Variants in DLG1 observed in about 807,000 individuals in gnomAD.
DLG1 encodes disks large homolog 1.
DLG1 carries 42 observed loss-of-function variants against 123.4 expected under a neutral mutation model. The ratio of observed to expected loss-of-function variants is 0.34; its 90% confidence interval spans 0.27 to 0.44. The LOEUF (loss-of-function observed/expected upper bound fraction) is 0.44, where lower values mean the gene tolerates loss of function less well. DLG1 is among the 20% of genes least tolerant of loss of function. DLG1 has a pLI of 1.00. For synonymous variants in DLG1, 317 were observed against 356.2 expected, an observed-to-expected ratio of 0.89 and a Z score of 1.24; for missense variants, 942 against 1,082.6, an observed-to-expected ratio of 0.87 and a Z score of 1.82.
chr3:197,110,080 CTTT>C (rs1276697072), intron 13 of DLG1, among the ~76,000 whole-genome samples: 1 of 152,246 alleles, frequency 6.6e-6, no homozygotes, highest in East Asian at 1.9e-4. Context: ...ATTCTTTCTT[CTTT>C]TTTCTCTCTT....
intron 13 of DLG1, among the ~76,000 whole-genome samples, chr3:197,111,450 T>G (rs1037695965): frequency 6.6e-6 from 1 of 152,216 alleles, no homozygotes; most frequent in African/African-American, 2.4e-5. Context: ...TAAGCTAATT[T>G]TATTTCCCTA....
chr3:197,191,425 T>C (rs773685902), intron 5 of DLG1, among the ~76,000 whole-genome samples: 11 of 152,318 alleles, frequency 7.2e-5, no homozygotes, highest in Non-Finnish European at 1.0e-4. Flanking sequence ...AAAATATGCA[T>C]GCTGGCTCAC....
At chr3:197,278,804 C>T (rs1767817086) in intron 4 of DLG1, among the ~76,000 whole-genome samples, 2 of 150,798 alleles carry the variant, frequency 1.3e-5, no homozygotes, top group African/African-American at 4.9e-5. Flanking sequence ...AAGAGAATAA[C>T]AGTCAAGGCT....
intron 12 of DLG1, among the ~76,000 whole-genome samples, chr3:197,118,430 C>T (rs896856956): frequency 2.0e-5 from 3 of 152,098 alleles, no homozygotes; most frequent in East Asian, 1.9e-4. Flanking sequence ...TTACTGACAA[C>T]CTATTAAGTT....
At position 197,066,738 on chromosome 3, in the gene DLG1, G is replaced by A. The variant is rs1315607742; in HGVS notation, c.2064C>T (p.Tyr688=). 2.5e-6 allele frequency: 4 copies of A among 1,602,654 alleles called. No homozygotes were observed. The highest frequency in any genetic ancestry group is 2.2e-5 in the East Asian group (1 of 44,518). ...SESSYRGQEE[Y]VLSYEPVNQQ... is the part of the protein sequence containing the mutation. ...GATTCACTGGTTCATAAGATAAGAC[G>A]TATTCTTCTTGACCACCTATTAGAA... Residue 688 remains tyrosine, a synonymous_variant, in exon 20 of 25, where the codon TAC becomes TAT. Coordinates refer to ENST00000667157, the MANE Select transcript of DLG1 (RefSeq NM_001366207.1).
chr3:197,090,928 G>A lies in DLG1; in HGVS notation c.1645C>T (p.Arg549Ter). Residue 549 changes from arginine to a stop codon, truncating the protein, a stop_gained, in exon 15 of 25, where the codon CGA (arginine) becomes TGA (stop). Coordinates refer to ENST00000667157, the MANE Select transcript of DLG1 (RefSeq NM_001366207.1). LOFTEE classifies it high-confidence loss of function. ...GSGSLRTSQK[R>*]SLYVRALFDY... ...AAAATTTACCTGACATAGAGGGATC[G>A]CTTCTGGCTAGTTCGAAGAGAACCT... 5 of 1,601,126 alleles carry A rather than the reference G, an allele frequency of 3.1e-6. No individual in the cohort carries two copies. Among genetic ancestry groups the A allele is most frequent in the East Asian group, 2.2e-5 (1 of 44,684 alleles).
chr3:197,051,679 A>C lies in DLG1; in HGVS notation c.2484-11T>G, dbSNP rs76515191. On this transcript the variant is annotated splice_polypyrimidine_tract_variant and intron_variant, in intron 23 of 24. Transcript: ENST00000667157. ...CGCTTATTCATTTCCCTACGAAAATAAATGTAGAAATTGATAATTACCAAA... is the reference window on the plus strand; with the variant it reads ...CGCTTATTCATTTCCCTACGAAAATCAATGTAGAAATTGATAATTACCAAA... The C allele has an allele frequency of 1.8e-5, 29 of 1,596,146 alleles. No homozygotes were observed. The highest frequency in any genetic ancestry group is 2.4e-5 in the Non-Finnish European group (28 of 1,164,762).
chr3:197,057,704 T>C (rs1732751348), intron 23 of DLG1, among the ~76,000 whole-genome samples: 1 of 152,214 alleles, frequency 6.6e-6, no homozygotes, highest in African/African-American at 2.4e-5. Context: ...TTCTCTTTTG[T>C]GATGTGTCCA....
intron 4 of DLG1, chr3:197,226,026 T>G (rs574088233): frequency 3.7e-4 from 54 of 147,268 alleles, no homozygotes; most frequent in African/African-American, 1.3e-3. Context: ...TTGTGCATGT[T>G]GTTTGCTGAC....
At chr3:197,160,061 T>C (rs1194132728) in intron 5 of DLG1, among the ~76,000 whole-genome samples, 1 of 152,206 alleles carries the variant, frequency 6.6e-6, no homozygotes, top group Non-Finnish European at 1.5e-5. Context: ...GGAAGTGCGC[T>C]GTGGTTAAGT....
At chr3:197,258,787 A>G (rs889110074) in intron 4 of DLG1, among the ~76,000 whole-genome samples, 8 of 152,240 alleles carry the variant, frequency 5.3e-5, no homozygotes, top group Non-Finnish European at 1.2e-4. Context: ...CATTGGTTAA[A>G]TATGTTCAAA....
rs577168316 is a variant in DLG1, at chr3:197,084,744, TTAA to T, written c.1838+833_1838+835del. Among the ~76,000 whole-genome samples, 164 of 138,972 alleles carry T rather than the reference TTAA, an allele frequency of 1.2e-3. No homozygotes were observed. In the Middle Eastern group the frequency reaches 0.021, roughly 18 times the overall value. The allele number at this position is 138,972 out of a possible 152,430, so 91.2% of individuals were successfully genotyped here. ...ATTTTTTCAGTTCTGGTGATTATTT[TTAA>T]TTTTTTTATGTGTATATTTTATATA... On this transcript the variant is annotated intron_variant, in intron 16 of 24. Coordinates refer to ENST00000667157, the MANE Select transcript of DLG1 (RefSeq NM_001366207.1).
At chr3:197,156,707 C>A (rs532338686) in intron 5 of DLG1, among the ~76,000 whole-genome samples, 2 of 151,998 alleles carry the variant, frequency 1.3e-5, no homozygotes, top group Admixed American at 1.3e-4. Flanking sequence ...TATGAGACAA[C>A]AAAGGTATTA....
intron 4 of DLG1, among the ~76,000 whole-genome samples, chr3:197,239,568 A>C (rs1304302599): frequency 7.1e-6 from 1 of 140,214 alleles, no homozygotes; most frequent in African/African-American, 2.7e-5. Context: ...TGATACAAAA[A>C]TCCTCAATAA....
intron 5 of DLG1, chr3:197,184,154 G>T: frequency 1.9e-6 from 2 of 1,043,086 alleles, no homozygotes; most frequent in Non-Finnish European, 2.3e-6. Context: ...TGAAATCCAG[G>T]AAGTGAGGTC....
Position 197,154,538 on chromosome 3 carries a change from G to T in DLG1, c.484-4742C>A, listed in dbSNP as rs568018366. Among the ~76,000 whole-genome samples the T allele has an allele frequency of 3.3e-5, 5 of 152,090 alleles. No homozygotes were observed. The South Asian group carries it at 8.3e-4, about 25-fold the overall frequency. On this transcript the variant is annotated intron_variant, in intron 5 of 24. Coordinates refer to ENST00000667157, the MANE Select transcript of DLG1 (RefSeq NM_001366207.1). ...AAACTACAAAAAATTAGCCGGGCGT[G>T]GCGGCAGGTGCCTGTAGTCCCAGCT... is the stretch of plus-strand genomic sequence containing the variant.
chr3:197,104,636 C>T (rs555419730), intron 14 of DLG1, among the ~76,000 whole-genome samples: 186 of 152,034 alleles, frequency 1.2e-3, no homozygotes, highest in African/African-American at 4.2e-3. Context: ...GAGCTGAGTT[C>T]GCACCACTGC....
intron 18 of DLG1, among the ~76,000 whole-genome samples, chr3:197,076,222 T>A (rs181420464): frequency 1.2e-3 from 180 of 152,360 alleles, no homozygotes; most frequent in African/African-American, 3.8e-3. Flanking sequence ...CTCGCCATGT[T>A]ATACCTAGAA....
intron 15 of DLG1, among the ~76,000 whole-genome samples, chr3:197,089,401 C>T (rs968294565): frequency 6.6e-6 from 1 of 151,904 alleles, no homozygotes; most frequent in African/African-American, 2.4e-5. Context: ...GTGGCATGTG[C>T]CTACAGTCCC....
Sources: gnomAD v4.1 joint callset for allele counts (sites outside exome capture counted in the v4.1 genomes callset) on GRCh38, gnomAD v4.1.1 for gene constraint, MANE v1.5 for transcripts, NCBI Gene and HGNC (gene_info 2026-07-23, HGNC 2026-07-21) for gene names.